Variants in LAMC3 observed in about 807,000 individuals in gnomAD.
LAMC3 encodes laminin subunit gamma-3.
Under a neutral mutation model 173.8 loss-of-function variants are expected in LAMC3, and 128 were observed. The observed-to-expected ratio is 0.74, with a 90% confidence interval of 0.64 to 0.85. LAMC3 has a LOEUF of 0.85. LAMC3 is among the 40% of genes least tolerant of loss of function. LAMC3 has a pLI of 0.00. For missense variants in LAMC3, 2,022 were observed against 2,156.0 expected (o/e 0.94, Z 1.23); for synonymous variants, 897 against 909.1 (o/e 0.99, Z 0.24).
chr9:131,016,013 G>A (rs1397431274), intron 1 of LAMC3, among the ~76,000 whole-genome samples: 2 of 152,164 alleles, frequency 1.3e-5, no homozygotes, highest in East Asian at 3.8e-4. Context: ...TCCACCGAGG[G>A]GTGAATGATG....
chr9:131,042,818 C>T (rs537543242), intron 7 of LAMC3, among the ~76,000 whole-genome samples: 9 of 151,970 alleles, frequency 5.9e-5, no homozygotes, highest in African/African-American at 2.2e-4. Flanking sequence ...ACACCCACAA[C>T]AGACATCACT....
Position 131,009,592 on chromosome 9 carries a change from G to A in LAMC3, c.373+5G>A. The stretch of plus-strand genomic sequence containing the variant: ...TCAACATCACCCTCCGCCTAGGTAA[G>A]CGCGGGCTGGGGGCACCGCCACCGC... On this transcript the variant is annotated splice_donor_5th_base_variant and intron_variant, in intron 1 of 27. Coordinates refer to ENST00000361069, the MANE Select transcript of LAMC3 (RefSeq NM_006059.4). This position sits in a 1 kb window ranked among gnomAD's most constrained non-coding sequence, Gnocchi z 4.3. 1 of 1,567,350 alleles carries A rather than the reference G, an allele frequency of 6.4e-7. No homozygotes were observed. Among genetic ancestry groups the A allele is most frequent in the Non-Finnish European group, 8.6e-7 (1 of 1,157,670 alleles).
chr9:131,068,791 A>C, intron 15 of LAMC3, 117 bp from the exon 16 acceptor site: 1 of 1,063,034 alleles, frequency 9.4e-7, no homozygotes, highest in Non-Finnish European at 1.4e-6. Flanking sequence ...CCGAGAGGAG[A>C]TGGGGTCTTG....
intron 9 of LAMC3, among the ~76,000 whole-genome samples, chr9:131,051,539 A>G (rs1364522000): frequency 6.6e-6 from 1 of 151,332 alleles, no homozygotes; most frequent in East Asian, 1.9e-4. Flanking sequence ...AATTTTTTGT[A>G]TTTTTACTAG....
chr9:131,088,639 A>AT (rs1182551630), intron 27 of LAMC3, among the ~76,000 whole-genome samples: 2 of 152,154 alleles, frequency 1.3e-5, no homozygotes, highest in Non-Finnish European at 2.9e-5. Context: ...AGCATTAAGT[A>AT]TATTCATTGT....
chr9:131,070,887 G>A (rs1293676054), intron 17 of LAMC3, among the ~76,000 whole-genome samples: 1 of 152,170 alleles, frequency 6.6e-6, no homozygotes, highest in Admixed American at 6.5e-5. Flanking sequence ...TTCAGGTAAG[G>A]TTTTGCTCTC....
chr9:131,025,941 G>C (rs1162387508), intron 1 of LAMC3, among the ~76,000 whole-genome samples: 2 of 152,196 alleles, frequency 1.3e-5, no homozygotes, highest in African/African-American at 4.8e-5. Flanking sequence ...CTTTCTAACG[G>C]TAGAGCAGGC....
At chr9:131,089,177 G>A (rs1214222779) in intron 27 of LAMC3, among the ~76,000 whole-genome samples, 3 of 121,318 alleles carry the variant, frequency 2.5e-5, no homozygotes, top group Admixed American at 9.8e-5. Flanking sequence ...GCCTGTCATC[G>A]GGTGGGGGGA....
rs561033775 is a variant in LAMC3 at position 131,066,062 on chromosome 9, G to A, written c.2348-898G>A. Among the ~76,000 whole-genome samples the A allele has an allele frequency of 3.3e-5, 5 of 152,266 alleles. 1 individual carries two copies. The South Asian group carries it at 1.0e-3, about 32-fold the overall frequency. ...ACAAATAAATTAGCCAGGCATGGTG[G>A]CACACACCTGTAGTCCCAGCTACTT... is the stretch of plus-strand genomic sequence containing the variant. On this transcript the variant is annotated intron_variant, in intron 13 of 27. Coordinates refer to ENST00000361069, the MANE Select transcript of LAMC3 (RefSeq NM_006059.4).
In LAMC3 at chr9:131,052,481, T is replaced by G. The variant is rs1173160104; in HGVS notation, c.1631-10T>G. ...TGAAGACTGTCAAAGCCTTCTTCTC[T>G]TGTCTTCAGAGAAGTTCCTGGGAGA... On this transcript the variant is annotated splice_polypyrimidine_tract_variant and intron_variant, in intron 9 of 27. Transcript: ENST00000361069. 1.9e-6 allele frequency: 3 copies of G among 1,611,674 alleles called. No individual in the cohort carries two copies. The highest frequency in any genetic ancestry group is 2.2e-5 in the South Asian group (2 of 91,044).
At chr9:131,015,628 G>A (rs1271739195) in intron 1 of LAMC3, among the ~76,000 whole-genome samples, 1 of 152,124 alleles carries the variant, frequency 6.6e-6, no homozygotes, top group East Asian at 1.9e-4. Flanking sequence ...GCTATGCAAG[G>A]GCCCCTGTGT....
At chr9:131,073,376 G>T in intron 20 of LAMC3, 55 bp downstream of exon 20, 2 of 1,393,340 alleles carry the variant, frequency 1.4e-6, no homozygotes, top group South Asian at 1.2e-5. Context: ...GGGGTTCCAG[G>T]GTCAGAGTCA....
At position 131,072,842 on chromosome 9, in the gene LAMC3, CA is replaced by C. The variant is rs1184422897; in HGVS notation, c.3417+8del. ...TGCCATTCTCGCGTCTCTGGTATCC[CA>C]GGGGACCCCCCTACCCGAACACACC... On this transcript the variant is annotated splice_region_variant and intron_variant, in intron 19 of 27. Transcript: ENST00000361069. The C allele has an allele frequency of 6.2e-7, 1 of 1,607,408 alleles. No homozygotes were observed. Among genetic ancestry groups the C allele is most frequent in the East Asian group, 2.2e-5 (1 of 44,744 alleles).
chr9:131,072,578 T>G, intron 18 of LAMC3, 52 bp from the exon 19 acceptor site: 1 of 1,509,936 alleles, frequency 6.6e-7, no homozygotes, highest in Non-Finnish European at 9.1e-7. Flanking sequence ...GTGGGGGCTT[T>G]TGTGTGACAT....
rs1554790875 is a variant in LAMC3 at position 131,081,435 on chromosome 9, T to TTCCCTCCCTCCCTCCATCCC, written c.3928-609_3928-608insATCCCTCCCTCCCTCCCTCC. ...ATCCACTTGCTGAGATAGAGCAGTG[T>TTCCCTCCCTCCCTCCATCCC]TCCCTCCCTCCCTCCCTCCCTCCCT... On this transcript the variant is annotated intron_variant, in intron 23 of 27. Coordinates refer to ENST00000361069, the MANE Select transcript of LAMC3 (RefSeq NM_006059.4). Among the ~76,000 whole-genome samples the TTCCCTCCCTCCCTCCATCCC allele has an allele frequency of 2.3e-3, 290 of 126,874 alleles. 9 individuals carry two copies. Among genetic ancestry groups the TTCCCTCCCTCCCTCCATCCC allele is most frequent in the African/African-American group, 3.2e-3 (110 of 34,070 alleles). The allele number at this position is 126,874 out of a possible 152,430, so 83.2% of individuals were successfully genotyped here.
intron 20 of LAMC3, among the ~76,000 whole-genome samples, chr9:131,073,847 GC>G (rs995469089): frequency 5.9e-5 from 9 of 151,860 alleles, no homozygotes; most frequent in Non-Finnish European, 1.3e-4. Flanking sequence ...CTATAGATAT[GC>G]CTATTCTGGG....
chr9:131,046,848 C>G (rs1429631328), intron 8 of LAMC3, among the ~76,000 whole-genome samples: 2 of 151,228 alleles, frequency 1.3e-5, no homozygotes, highest in African/African-American at 4.8e-5. Flanking sequence ...GAGGCATCAG[C>G]TGAAACAGAA....
At chr9:131,047,162 C>T (rs1434189338) in intron 8 of LAMC3, among the ~76,000 whole-genome samples, 1 of 56,316 alleles carries the variant, frequency 1.8e-5, no homozygotes, top group Admixed American at 1.7e-4. Flanking sequence ...TCTCTGAATT[C>T]CTCTTTTTTT....
intron 2 of LAMC3, among the ~76,000 whole-genome samples, chr9:131,027,080 G>A (rs949802330): frequency 4.6e-5 from 7 of 152,210 alleles, no homozygotes; most frequent in South Asian, 4.1e-4. Context: ...TGTGGATGCC[G>A]CTAATGAACC....
Sources: gnomAD v4.1 joint callset for allele counts (sites outside exome capture counted in the v4.1 genomes callset) on GRCh38, gnomAD v4.1.1 for gene constraint, Gnocchi (gnomAD v3.1) non-coding constraint, MANE v1.5 for transcripts, NCBI Gene and HGNC (gene_info 2026-07-23, HGNC 2026-07-21) for gene names.